Variants in SLCO2A1 observed in about 807,000 individuals in gnomAD.
The protein encoded by SLCO2A1 is matrin F/G 1.
Under a neutral mutation model 71.7 loss-of-function variants are expected in SLCO2A1, and 60 were observed. The ratio of observed to expected loss-of-function variants is 0.84; its 90% CI spans 0.68 to 1.04. The LOEUF (loss-of-function observed/expected upper bound fraction) is 1.04, where lower values mean the gene tolerates loss of function less well. SLCO2A1 is among the 50% of genes least tolerant of loss of function. SLCO2A1 has a pLI of 0.00. For missense variants in SLCO2A1, 745 were observed against 813.4 expected (o/e 0.92, Z 1.02); for synonymous variants, 308 against 326.7 (o/e 0.94, Z 0.62).
At chr3:133,946,618 G>A (rs1268731982) in intron 9 of SLCO2A1, among the ~76,000 whole-genome samples, 1 of 152,192 alleles carries the variant, frequency 6.6e-6, no homozygotes, top group Admixed American at 6.5e-5. Context: ...CAGAGCTGAT[G>A]CTAAACATAG....
At chr3:133,988,387 G>A (rs1164729636) in intron 1 of SLCO2A1, among the ~76,000 whole-genome samples, 2 of 152,108 alleles carry the variant, frequency 1.3e-5, no homozygotes, top group Admixed American at 1.3e-4. Context: ...GAAAATTTTT[G>A]AACCTAAACT....
At position 133,932,765 on chromosome 3, in the gene SLCO2A1, A is replaced by G. The variant is rs1478052307; in HGVS notation, c.*1948T>C. On this transcript the variant is annotated 3_prime_UTR_variant, in exon 14 of 14. Transcript: ENST00000310926. ...GAATAAAGGTTTGGGAGTGCAACCA[A>G]TCTTCTAGAACCTGAAGGTTGGCAT... 6.5e-6 allele frequency: 1 copy of G among 152,712 alleles called. No homozygotes were observed. Among genetic ancestry groups the G allele is most frequent in the South Asian group, 2.1e-4 (1 of 4,826 alleles). The allele number at this position is 152,712 out of a possible 1,614,324, so 9.5% of individuals were successfully genotyped here. A position where few individuals can be genotyped will look rare whatever the true frequency, so the allele number is the denominator to read the frequency against.
intron 1 of SLCO2A1, among the ~76,000 whole-genome samples, chr3:134,001,829 C>T (rs1935108913): frequency 6.6e-6 from 1 of 152,150 alleles, no homozygotes; most frequent in African/African-American, 2.4e-5. Flanking sequence ...TGCTCCTCTC[C>T]TATCAGAAAA....
chr3:134,027,321 C>T (rs1256041140), intron 1 of SLCO2A1, among the ~76,000 whole-genome samples: 2 of 152,214 alleles, frequency 1.3e-5, no homozygotes, highest in East Asian at 1.9e-4. Flanking sequence ...AGTTAAAGAT[C>T]GACCCCTGAC....
intron 6 of SLCO2A1, among the ~76,000 whole-genome samples, chr3:133,949,717 AAC>A (rs1576430017): frequency 2.6e-5 from 4 of 152,312 alleles, no homozygotes; most frequent in Admixed American, 6.5e-5. Flanking sequence ...CATTCCTCAC[AAC>A]GCTTTCCCAT....
At chr3:133,973,616 G>GT in intron 3 of SLCO2A1, 47 bp downstream of exon 3, 4 of 1,599,718 alleles carry the variant, frequency 2.5e-6, no homozygotes, top group Non-Finnish European at 2.6e-6. Flanking sequence ...TTTGTGAGAT[G>GT]TTCACCCATT....
At chr3:134,003,230 A>T (rs767158294) in intron 1 of SLCO2A1, among the ~76,000 whole-genome samples, 4 of 152,230 alleles carry the variant, frequency 2.6e-5, no homozygotes, top group African/African-American at 7.2e-5. Flanking sequence ...AGCTAAGCAA[A>T]CACTTGACAC....
chr3:133,964,045 C>G (rs143634144), intron 3 of SLCO2A1, among the ~76,000 whole-genome samples: 189 of 152,336 alleles, frequency 1.2e-3, no homozygotes, highest in African/African-American at 4.3e-3. Flanking sequence ...GTGTTCTATT[C>G]CAGCTAAACT....
At chr3:133,984,730 G>C (rs1161938390) in intron 1 of SLCO2A1, among the ~76,000 whole-genome samples, 2 of 152,146 alleles carry the variant, frequency 1.3e-5, no homozygotes, top group African/African-American at 2.4e-5. Flanking sequence ...TTGGTGGGAG[G>C]AAAAGGTTTG....
chr3:133,948,946 G>T lies in SLCO2A1; in HGVS notation c.887C>A (p.Ala296Glu), dbSNP rs1204629936. Residue 296 changes from alanine to glutamate, a missense_variant, in exon 7 of 14, where the codon GCA becomes GAA. Physicochemically the swap from Ala to Glu is moderately radical, Grantham distance 107. Transcript: ENST00000310926. ...TGACTTGGCCTCCTCCAACTTCCTT[G>T]CTTCATCTGCTGTGGCAGGAGCCCT... is the stretch of plus-strand genomic sequence containing the variant. ...AKRAPATADEARKLEEAKSRG... is the reference protein window; with the variant it reads ...AKRAPATADEERKLEEAKSRG... 1.2e-6 allele frequency: 2 copies of T among 1,614,004 alleles called. No individual in the cohort carries two copies. The highest frequency in any genetic ancestry group is 3.3e-5 in the Admixed American group (2 of 60,002).
chr3:133,974,717 T>C (rs1213460439), intron 2 of SLCO2A1, among the ~76,000 whole-genome samples: 1 of 152,102 alleles, frequency 6.6e-6, no homozygotes, highest in Non-Finnish European at 1.5e-5. Flanking sequence ...AGGTCTTCAA[T>C]GGTAAGGGGA....
At chr3:133,981,834 G>A (rs1934599656) in intron 1 of SLCO2A1, among the ~76,000 whole-genome samples, 1 of 152,096 alleles carries the variant, frequency 6.6e-6, no homozygotes, top group African/African-American at 2.4e-5. Context: ...AATTAACCAG[G>A]CGTGGTGGCA....
chr3:133,977,921 A>G (rs1934497708), intron 2 of SLCO2A1, among the ~76,000 whole-genome samples: 1 of 152,040 alleles, frequency 6.6e-6, no homozygotes, highest in Admixed American at 6.5e-5. Flanking sequence ...TAGCAATACA[A>G]GCAGACAGAC....
chr3:134,016,579 G>A (rs1935460397), intron 1 of SLCO2A1, among the ~76,000 whole-genome samples: 1 of 152,150 alleles, frequency 6.6e-6, no homozygotes, highest in Non-Finnish European at 1.5e-5. Flanking sequence ...TCTCACATAT[G>A]GCTGGTGAAA....
intron 3 of SLCO2A1, among the ~76,000 whole-genome samples, chr3:133,965,418 G>A (rs1934141088): frequency 6.6e-6 from 1 of 152,202 alleles, no homozygotes; most frequent in Non-Finnish European, 1.5e-5. Context: ...GCCACTCAAC[G>A]CTTGTCACGG....
At position 134,006,696 on chromosome 3, in the gene SLCO2A1, T is replaced by C. The variant is rs150890442; in HGVS notation, c.96+23011A>G. Among the ~76,000 whole-genome samples, 29 of 152,366 alleles carry C rather than the reference T, an allele frequency of 1.9e-4. 1 individual carries two copies. The East Asian group carries it at 4.6e-3, about 24-fold the overall frequency. The stretch of plus-strand genomic sequence containing the variant: ...TGAATAATATTCTATTGTATGTATA[T>C]ACACATTTTGTTTATCCATTTATCT... On this transcript the variant is annotated intron_variant, in intron 1 of 13. Transcript: ENST00000310926.
Position 133,945,209 on chromosome 3 carries a change from C to A in SLCO2A1, c.1347G>T (p.Ser449=), listed in dbSNP as rs373457618. 2 of 1,613,944 alleles carry A rather than the reference C, an allele frequency of 1.2e-6. No homozygotes were observed. Among genetic ancestry groups the A allele is most frequent in the African/African-American group, 1.3e-5 (1 of 74,912 alleles). ...CCGGGTGGAAGATAGAATCTGGGCA[C>A]GAGCAGTCCCTGCGGCAGGCAGGAG... ...PQSPACRRDC[S]CPDSIFHPVC... The change falls in exon 10 of 14, where the codon TCG becomes TCT. Residue 449 remains serine, a synonymous_variant. Coordinates refer to ENST00000310926, the MANE Select transcript of SLCO2A1 (RefSeq NM_005630.3).
intron 13 of SLCO2A1, 109 bp from the exon 14 acceptor site, chr3:133,934,939 G>A (rs140096973): frequency 8.5e-6 from 7 of 825,924 alleles, no homozygotes; most frequent in Non-Finnish European, 5.9e-6. Context: ...GCCCGCGGAA[G>A]GTGTGGGCAC....
intron 12 of SLCO2A1, among the ~76,000 whole-genome samples, chr3:133,937,722 T>A (rs149086263): frequency 6.6e-6 from 1 of 152,370 alleles, no homozygotes; most frequent in East Asian, 1.9e-4. Flanking sequence ...GTCCCTTTAC[T>A]ACTGTGTGCC....
Sources: gnomAD v4.1 joint callset for allele counts (sites outside exome capture counted in the v4.1 genomes callset) on GRCh38, gnomAD v4.1.1 for gene constraint, MANE v1.5 for transcripts, NCBI Gene and HGNC (gene_info 2026-07-23, HGNC 2026-07-21) for gene names.